NBAS: variants seen among roughly 807,000 people sequenced by gnomAD.
NBAS encodes the protein NBAS subunit of NRZ tethering complex.
A neutral mutation model predicts 302.5 loss-of-function variants in NBAS; 219 were observed. The observed-to-expected ratio is 0.72, with a 90% CI of 0.65 to 0.81. NBAS has a LOEUF of 0.81. NBAS is among the 30% of genes least tolerant of loss of function. The probability of loss-of-function intolerance (pLI) is 0.00; values close to 1 mark genes in which losing one functional copy is unlikely to be tolerated. For missense variants in NBAS, 2,932 were observed against 2,841.6 expected, an observed-to-expected ratio of 1.03 and a Z score of -0.72; for synonymous variants, 1,118 against 1,021.6, an observed-to-expected ratio of 1.09 and a Z score of -1.80.
the NBAS span, among the ~76,000 whole-genome samples, chr2:14,809,672 A>T: frequency 5.0e-4 from 76 of 152,324 alleles, no homozygotes; most frequent in African/African-American, 1.7e-3. Flanking sequence ...GCCCCCACAC[A>T]GAGTTTCTAC....
chr2:14,868,877 G>A, the NBAS span, among the ~76,000 whole-genome samples: 1 of 152,160 alleles, frequency 6.6e-6, no homozygotes, highest in Non-Finnish European at 1.5e-5. Context: ...TGGCTGAGGG[G>A]TGGTGCTCAT....
intron 48 of NBAS, 38 bp downstream of exon 48, chr2:15,218,735 T>A (rs1558447199): frequency 1.2e-6 from 2 of 1,613,764 alleles, no homozygotes; most frequent in East Asian, 4.5e-5. Context: ...GCCTAATTAT[T>A]GTTAGTAAGA....
the NBAS span, among the ~76,000 whole-genome samples, chr2:14,880,288 A>G: frequency 6.6e-6 from 1 of 152,178 alleles, no homozygotes; most frequent in Non-Finnish European, 1.5e-5. Context: ...GAACAGGAAA[A>G]GAAAGCAAAA....
chr2:15,181,268 A>T (rs1016672627), intron 50 of NBAS, among the ~76,000 whole-genome samples: 16 of 152,218 alleles, frequency 1.1e-4, no homozygotes, highest in African/African-American at 3.9e-4. Context: ...GGCTTTCATG[A>T]CAAATTTTAT....
At chr2:14,967,281 A>C in the NBAS span, among the ~76,000 whole-genome samples, 4 of 151,992 alleles carry the variant, frequency 2.6e-5, no homozygotes. Context: ...AATTTTTTTT[A>C]TAGAAAGCCA....
intron 30 of NBAS, among the ~76,000 whole-genome samples, chr2:15,378,898 GAT>G (rs1295775760): frequency 6.6e-6 from 1 of 152,212 alleles, no homozygotes; most frequent in South Asian, 2.1e-4. Context: ...ATACAGAGGT[GAT>G]ACATGTTTTA....
chr2:15,093,036 T>G, the NBAS span, among the ~76,000 whole-genome samples: 3 of 152,178 alleles, frequency 2.0e-5, no homozygotes, highest in Non-Finnish European at 2.9e-5. Flanking sequence ...GCACTAGCGG[T>G]TGTTCAAGGG....
chr2:14,920,603 A>C, the NBAS span, among the ~76,000 whole-genome samples: 2 of 152,208 alleles, frequency 1.3e-5, no homozygotes, highest in Non-Finnish European at 2.9e-5. Flanking sequence ...AGCCACCTTC[A>C]TCAATTATCT....
chr2:15,055,950 A>G, the NBAS span, among the ~76,000 whole-genome samples: 1 of 152,236 alleles, frequency 6.6e-6, no homozygotes, highest in Non-Finnish European at 1.5e-5. Context: ...ACTATTTGAA[A>G]GATGATTTAC....
intron 6 of NBAS, among the ~76,000 whole-genome samples, chr2:15,545,454 T>C (rs892884669): frequency 2.6e-5 from 4 of 152,014 alleles, no homozygotes; most frequent in South Asian, 4.1e-4. Flanking sequence ...AAATACCAAG[T>C]ACAAATCTCA....
intron 19 of NBAS, among the ~76,000 whole-genome samples, chr2:15,466,427 C>T (rs142964909): frequency 1.3e-4 from 20 of 152,288 alleles, no homozygotes; most frequent in East Asian, 3.9e-4. Context: ...ACCTAACCTA[C>T]GTATTACTGA....
downstream of NBAS, among the ~76,000 whole-genome samples, chr2:15,166,499 G>T (rs1328046619): frequency 6.6e-6 from 1 of 152,170 alleles, no homozygotes; most frequent in Admixed American, 6.5e-5. Flanking sequence ...CTGTGTATCT[G>T]ATAGAGCCTC....
the NBAS span, among the ~76,000 whole-genome samples, chr2:14,810,431 C>A: frequency 6.6e-6 from 1 of 152,326 alleles, no homozygotes; most frequent in East Asian, 1.9e-4. Context: ...CCTGCACAAG[C>A]TCTCTCTTTG....
At chr2:15,243,438 C>G (rs80219696) in intron 44 of NBAS, among the ~76,000 whole-genome samples, 5,407 of 152,106 alleles carry the variant, frequency 0.036, 134 homozygotes, top group Middle Eastern at 0.068. Context: ...GTGGTACAGG[C>G]CCCTTTGCAG....
chr2:15,155,595 C>T, the NBAS span, among the ~76,000 whole-genome samples: 1 of 152,190 alleles, frequency 6.6e-6, no homozygotes. Flanking sequence ...GGTCACCCTT[C>T]TTTTGACTTC....
At chr2:15,334,347 G>A (rs571310310) in intron 35 of NBAS, among the ~76,000 whole-genome samples, 11 of 152,004 alleles carry the variant, frequency 7.2e-5, no homozygotes, top group South Asian at 4.2e-4. Flanking sequence ...CCACCACCAC[G>A]CCCAGCTAAT....
the NBAS span, among the ~76,000 whole-genome samples, chr2:15,143,964 G>C: frequency 1.3e-5 from 2 of 149,194 alleles, no homozygotes; most frequent in Non-Finnish European, 3.0e-5. Context: ...GGCTCTCCTT[G>C]CTCCTCAGAC....
At chr2:15,409,758 C>T (rs2111455) in intron 25 of NBAS, among the ~76,000 whole-genome samples, 89,876 of 151,566 alleles carry the variant, frequency 0.59, 27,731 homozygotes, top group Non-Finnish European at 0.68. Context: ...TGGAGCAAGG[C>T]CTGCCACGGA....
At chr2:15,232,858 G>GTT (rs11342755) in intron 46 of NBAS, among the ~76,000 whole-genome samples, 13 of 145,110 alleles carry the variant, frequency 9.0e-5, no homozygotes, top group African/African-American at 1.5e-4. Context: ...TCCAGTTGAA[G>GTT]TTTTTTTTTT....
Sources: allele counts gnomAD v4.1 joint callset (sites outside exome capture counted in the v4.1 genomes callset), GRCh38; gene constraint gnomAD v4.1.1; transcripts MANE v1.5; gene names NCBI Gene and HGNC (gene_info 2026-07-23, HGNC 2026-07-21).